IGF1R: variants seen among roughly 807,000 people sequenced by gnomAD.
IGF1R encodes insulin like growth factor 1 receptor.
In IGF1R, 44 loss-of-function variants were observed where a neutral mutation model predicts 144.6. The observed-to-expected ratio is 0.30, with a 90% CI of 0.24 to 0.39. IGF1R has a LOEUF of 0.39. Among genes scored for constraint, IGF1R ranks in the 10% least tolerant of loss-of-function variants. The pLI is 1.00. For missense variants in IGF1R, 1,355 were observed against 1,833.7 expected (o/e 0.74, Z 4.77); for synonymous variants, 795 against 722.8 (o/e 1.10, Z -1.60).
chr15:98,735,124 C>G (rs916495930), intron 2 of IGF1R, among the ~76,000 whole-genome samples: 4 of 152,130 alleles, frequency 2.6e-5, no homozygotes, highest in African/African-American at 9.7e-5. Flanking sequence ...CTGACTTGTC[C>G]CATGTCTGGG....
Position 98,959,879 on chromosome 15 carries a change from G to C in IGF1R, c.*2437G>C, listed in dbSNP as rs1265911499. ...TAAAAAAAAAAAAAAGGTATTATAT[G>C]TAGGAGTTTTCTTTTAATTTATTTT... On this transcript the variant is annotated 3_prime_UTR_variant, in exon 21 of 21. Transcript: ENST00000650285. 3 of 230,502 alleles carry C rather than the reference G, an allele frequency of 1.3e-5. No individual in the cohort carries two copies. The highest frequency in any genetic ancestry group is 6.7e-5 in the African/African-American group (3 of 44,758). The allele number at this position is 230,502 out of a possible 1,614,324, so 14.3% of individuals were successfully genotyped here.
intron 2 of IGF1R, among the ~76,000 whole-genome samples, chr15:98,770,564 T>C (rs1308818174): frequency 6.6e-6 from 1 of 152,214 alleles, no homozygotes; most frequent in African/African-American, 2.4e-5. Context: ...AATATCATAT[T>C]AACCCCATAA....
chr15:98,864,875 A>G (rs960351404), intron 2 of IGF1R, among the ~76,000 whole-genome samples: 4 of 152,162 alleles, frequency 2.6e-5, no homozygotes, highest in Admixed American at 6.5e-5. Flanking sequence ...ATATCATGCA[A>G]TCCATCCCAG....
intron 2 of IGF1R, among the ~76,000 whole-genome samples, chr15:98,717,593 A>G (rs2054149186): frequency 6.6e-6 from 1 of 152,182 alleles, no homozygotes; most frequent in African/African-American, 2.4e-5. Context: ...TCAGCGAGGT[A>G]CATATGTCTA....
At position 98,961,944 on chromosome 15, in the gene IGF1R, A is replaced by G; in HGVS notation, c.*4502A>G. 4.3e-6 allele frequency: 1 copy of G among 233,344 alleles called. No individual in the cohort carries two copies. Among genetic ancestry groups the G allele is most frequent in the Non-Finnish European group, 8.5e-6 (1 of 118,066 alleles). The allele number at this position is 233,344 out of a possible 1,614,324, so 14.5% of individuals were successfully genotyped here. ...ATAGAAGAGCAGTCACTGTGGAACT[A>G]CCAAATGGCGAGATGCTCGGTGCAC... On this transcript the variant is annotated 3_prime_UTR_variant, in exon 21 of 21. Transcript: ENST00000650285.
chr15:98,877,509 TTTTTC>T (rs1316173912), intron 2 of IGF1R, among the ~76,000 whole-genome samples: 6 of 146,550 alleles, frequency 4.1e-5, no homozygotes, highest in Admixed American at 3.5e-4. Context: ...TTTTTTTTTT[TTTTTC>T]CCCAAAAAAT....
chr15:98,916,941 C>T, intron 10 of IGF1R, 65 bp downstream of exon 10: 3 of 1,386,914 alleles, frequency 2.2e-6, no homozygotes, highest in Non-Finnish European at 2.0e-6. Context: ...TGTTGCCTTT[C>T]TCCCCACCAG....
At chr15:98,851,156 TTGTG>T (rs149610271) in intron 2 of IGF1R, among the ~76,000 whole-genome samples, 1 of 152,152 alleles carries the variant, frequency 6.6e-6, no homozygotes, top group African/African-American at 2.4e-5. Flanking sequence ...GAGTGAAGGT[TTGTG>T]TGTGGCCCAT....
intron 2 of IGF1R, among the ~76,000 whole-genome samples, chr15:98,837,028 T>C (rs1003590985): frequency 1.3e-5 from 2 of 152,238 alleles, no homozygotes; most frequent in African/African-American, 4.8e-5. Context: ...TTCGCATTGT[T>C]ACTGATATCT....
At chr15:98,774,705 G>A (rs1443684457) in intron 2 of IGF1R, among the ~76,000 whole-genome samples, 1 of 72,014 alleles carries the variant, frequency 1.4e-5, no homozygotes, top group South Asian at 4.8e-4. Context: ...GTGGGGGGTG[G>A]TTTGGGGAAG....
chr15:98,650,827 G>C, intron 1 of IGF1R: 1 of 841,268 alleles, frequency 1.2e-6, no homozygotes, highest in Non-Finnish European at 1.4e-6. Flanking sequence ...AAGCAGTGTC[G>C]CTCCACATTC....
At chr15:98,659,509 C>G (rs1347490638) in intron 1 of IGF1R, among the ~76,000 whole-genome samples, 1 of 152,210 alleles carries the variant, frequency 6.6e-6, no homozygotes, top group South Asian at 2.1e-4. Flanking sequence ...TTCCTGGGGA[C>G]TGATTGCAAG....
At chr15:98,887,661 A>G (rs887684591) in intron 2 of IGF1R, among the ~76,000 whole-genome samples, 1 of 152,194 alleles carries the variant, frequency 6.6e-6, no homozygotes, top group African/African-American at 2.4e-5. Flanking sequence ...TGTATGCTTA[A>G]TACTGCTGGC....
At chr15:98,883,201 T>C (rs951297790) in intron 2 of IGF1R, among the ~76,000 whole-genome samples, 10 of 152,240 alleles carry the variant, frequency 6.6e-5, no homozygotes, top group Non-Finnish European at 1.5e-4. Context: ...AACTTTCTTT[T>C]GCCGTGCGTA....
chr15:98,699,109 C>G (rs2053664796), intron 1 of IGF1R, among the ~76,000 whole-genome samples: 1 of 152,224 alleles, frequency 6.6e-6, no homozygotes, highest in Non-Finnish European at 1.5e-5. Context: ...GAAAGGAAGG[C>G]AGAAGGAACT....
intron 2 of IGF1R, among the ~76,000 whole-genome samples, chr15:98,716,128 T>C (rs1288877277): frequency 1.3e-5 from 2 of 152,150 alleles, no homozygotes. Flanking sequence ...CTAGGGACGG[T>C]TGCCACGTCA....
intron 4 of IGF1R, among the ~76,000 whole-genome samples, chr15:98,897,957 TAATG>T (rs1473456239): frequency 6.7e-6 from 1 of 149,732 alleles, no homozygotes; most frequent in Non-Finnish European, 1.5e-5. Context: ...AGAGGAAAAA[TAATG>T]TATTTTGAGA....
At chr15:98,830,816 C>A (rs1316644664) in intron 2 of IGF1R, among the ~76,000 whole-genome samples, 1 of 152,150 alleles carries the variant, frequency 6.6e-6, no homozygotes, top group Non-Finnish European at 1.5e-5. Context: ...GTTGGCCAGG[C>A]TGATCTTGAA....
At chr15:98,656,801 C>G (rs910531050) in intron 1 of IGF1R, among the ~76,000 whole-genome samples, 1 of 152,170 alleles carries the variant, frequency 6.6e-6, no homozygotes, top group African/African-American at 2.4e-5. Flanking sequence ...GTATCTCCAT[C>G]CATCCGTCCA....
Sources: gnomAD v4.1 joint callset for allele counts (sites outside exome capture counted in the v4.1 genomes callset) on GRCh38, gnomAD v4.1.1 for gene constraint, MANE v1.5 for transcripts, NCBI Gene and HGNC (gene_info 2026-07-23, HGNC 2026-07-21) for gene names.